FBXO11: variants seen among roughly 807,000 people sequenced by gnomAD.
FBXO11 encodes F-box only protein 11.
Under a neutral mutation model 117.0 loss-of-function variants are expected in FBXO11, and 13 were observed. The ratio of observed to expected loss-of-function variants is 0.11; its 90% CI spans 0.07 to 0.18. The LOEUF (loss-of-function observed/expected upper bound fraction) is 0.18. Ranked by LOEUF, FBXO11 falls within the 10% of genes least tolerant of loss-of-function variation. The pLI, the probability that FBXO11 is intolerant of heterozygous loss-of-function variation, is 1.00. For synonymous variants in FBXO11, 490 were observed against 380.5 expected, an observed-to-expected ratio of 1.29 and a Z score of -3.35; for missense variants, 767 against 1,164.4, an observed-to-expected ratio of 0.66 and a Z score of 4.97.
chr2:47,824,460 C>T (rs1671604427), intron 11 of FBXO11, among the ~76,000 whole-genome samples: 1 of 152,142 alleles, frequency 6.6e-6, no homozygotes, highest in Admixed American at 6.6e-5. Context: ...CCATCGCACT[C>T]CAGCCTGGAC....
intron 1 of FBXO11, among the ~76,000 whole-genome samples, chr2:47,887,779 T>C (rs747402531): frequency 5.3e-5 from 8 of 152,168 alleles, no homozygotes; most frequent in Non-Finnish European, 1.0e-4. Flanking sequence ...GAGGATCACT[T>C]GAGCCTGGGA....
rs185193232 is a variant in FBXO11 at position 47,848,366 on chromosome 2, G to A, written c.233-8597C>T. 1.2e-3 allele frequency among the ~76,000 whole-genome samples: 186 copies of A among 152,204 alleles called. 1 individual carries two copies. The highest frequency in any genetic ancestry group is 4.3e-3 in the African/African-American group (178 of 41,532). ...GAACCCTATTGTGAACTGCACATGC[G>A]AGGGATCTAGGTTGTGCACTTCTTA... On this transcript the variant is annotated intron_variant, in intron 1 of 22. Coordinates refer to ENST00000403359, the MANE Select transcript of FBXO11 (RefSeq NM_001190274.2).
chr2:47,878,188 G>C (rs975295933), intron 1 of FBXO11, among the ~76,000 whole-genome samples: 1 of 152,000 alleles, frequency 6.6e-6, no homozygotes, highest in African/African-American at 2.4e-5. Flanking sequence ...TTAGTTTCTG[G>C]GGTAATAAAA....
At chr2:47,858,377 T>C (rs1674476255) in intron 1 of FBXO11, among the ~76,000 whole-genome samples, 1 of 150,418 alleles carries the variant, frequency 6.6e-6, no homozygotes, top group Admixed American at 6.6e-5. Flanking sequence ...AAAGCATGAG[T>C]ACTTAATGAA....
chr2:47,854,781 A>G (rs1275209651), intron 1 of FBXO11, among the ~76,000 whole-genome samples: 1 of 152,054 alleles, frequency 6.6e-6, no homozygotes, highest in Non-Finnish European at 1.5e-5. Flanking sequence ...GACCAGGATC[A>G]CGCTTTGAGA....
chr2:47,836,323 T>C (rs1182809826), intron 4 of FBXO11, among the ~76,000 whole-genome samples: 2 of 152,200 alleles, frequency 1.3e-5, no homozygotes, highest in Non-Finnish European at 2.9e-5. Context: ...AAACGTATTT[T>C]TCACATTTAA....
intron 4 of FBXO11, 30 bp downstream of exon 4, chr2:47,838,829 C>A: frequency 6.3e-7 from 1 of 1,593,300 alleles, no homozygotes; most frequent in South Asian, 1.1e-5. Context: ...TAACATATCT[C>A]AAGTTAATAA....
intron 4 of FBXO11, among the ~76,000 whole-genome samples, chr2:47,838,503 C>A (rs904194642): frequency 6.8e-6 from 1 of 148,136 alleles, no homozygotes; most frequent in Admixed American, 6.6e-5. Flanking sequence ...TTCATGAATA[C>A]AACTGTTTTC....
intron 1 of FBXO11, among the ~76,000 whole-genome samples, chr2:47,879,888 T>G (rs936966619): frequency 6.6e-6 from 1 of 152,226 alleles, no homozygotes; most frequent in Non-Finnish European, 1.5e-5. Context: ...TTTCACTTAG[T>G]GTAATTCCTC....
chr2:47,892,010 G>C lies in FBXO11; in HGVS notation c.232+13479C>G, dbSNP rs1190396335. Among the ~76,000 whole-genome samples, 4 of 152,204 alleles carry C rather than the reference G, an allele frequency of 2.6e-5. 1 individual carries two copies. Among genetic ancestry groups the C allele is most frequent in the Middle Eastern group, 6.8e-3 (2 of 294 alleles). ...TTGCAGAAGTTCCTTAAATATTTTG[G>C]AGATTAACTCCTTATCAGATATATG... On this transcript the variant is annotated intron_variant, in intron 1 of 22. Transcript: ENST00000403359.
chr2:47,900,671 TATACACACGTATAC>T (rs1678104994), intron 1 of FBXO11, among the ~76,000 whole-genome samples: 2 of 53,672 alleles, frequency 3.7e-5, no homozygotes, highest in East Asian at 1.8e-3. Flanking sequence ...CACGTACGTA[TATACACACGTATAC>T]ACACACGTAT....
At chr2:47,866,245 CAAAAAAAAAA>C (rs57654823) in intron 1 of FBXO11, among the ~76,000 whole-genome samples, 5 of 58,440 alleles carry the variant, frequency 8.6e-5, no homozygotes, top group East Asian at 8.9e-4. Flanking sequence ...CCTTCTGCTT[CAAAAAAAAAA>C]AAAAAAAAAA....
At chr2:47,809,542 CTGATTATCTTTCATGGCATAT>C in intron 20 of FBXO11, 37 bp downstream of exon 20, 1 of 1,267,410 alleles carries the variant, frequency 7.9e-7, no homozygotes, top group Non-Finnish European at 1.1e-6. Context: ...AAAACGGCTT[CTGATTATCTTTCATGGCATAT>C]TGCATATATT....
intron 1 of FBXO11, among the ~76,000 whole-genome samples, chr2:47,869,155 G>A (rs1184542412): frequency 6.6e-6 from 1 of 152,222 alleles, no homozygotes; most frequent in Middle Eastern, 3.4e-3. Context: ...GGAAACAAAC[G>A]GTGGAAATAG....
intron 1 of FBXO11, among the ~76,000 whole-genome samples, chr2:47,876,251 T>C (rs1441807620): frequency 6.6e-6 from 1 of 152,232 alleles, no homozygotes; most frequent in East Asian, 1.9e-4. Context: ...AACTCTATTT[T>C]CCAACTTTCT....
chr2:47,855,420 A>C (rs1038134025), intron 1 of FBXO11, among the ~76,000 whole-genome samples: 3 of 151,886 alleles, frequency 2.0e-5, no homozygotes, highest in Non-Finnish European at 4.4e-5. Context: ...TTTTATCTCC[A>C]AGACTATTTA....
chr2:47,843,731 G>T (rs79776017), intron 1 of FBXO11, among the ~76,000 whole-genome samples: 12,575 of 151,722 alleles, frequency 0.083, 647 homozygotes, highest in African/African-American at 0.15. Context: ...TAGATTTGCT[G>T]CTGCTTCTTC....
chr2:47,810,007 T>C (rs1044363210), intron 19 of FBXO11: 6 of 490,606 alleles, frequency 1.2e-5, no homozygotes, highest in Non-Finnish European at 1.8e-5. Context: ...AGATTTAAAC[T>C]GGTAAATTCA....
chr2:47,879,912 G>A (rs1676310885), intron 1 of FBXO11, among the ~76,000 whole-genome samples: 1 of 151,876 alleles, frequency 6.6e-6, no homozygotes, highest in Admixed American at 6.6e-5. Context: ...GTTCATCTAC[G>A]GTTGTATCAC....
Sources: gnomAD v4.1 joint callset for allele counts (sites outside exome capture counted in the v4.1 genomes callset) on GRCh38, gnomAD v4.1.1 for gene constraint, MANE v1.5 for transcripts, NCBI Gene and HGNC (gene_info 2026-07-23, HGNC 2026-07-21) for gene names.